TDP1: variants seen among roughly 807,000 people sequenced by gnomAD.
The protein encoded by TDP1 is tyr-DNA phosphodiesterase 1.
Under a neutral mutation model 81.5 loss-of-function variants are expected in TDP1, and 64 were observed. The ratio of observed to expected loss-of-function variants is 0.79; its 90% CI spans 0.64 to 0.97. The LOEUF is 0.97. Ranked by LOEUF, TDP1 falls within the 50% of genes least tolerant of loss-of-function variation. The probability of loss-of-function intolerance (pLI) is 0.00; values close to 1 mark genes in which losing one functional copy is unlikely to be tolerated. For missense variants in TDP1, 723 were observed against 743.8 expected, an observed-to-expected ratio of 0.97 and a Z score of 0.33; for synonymous variants, 256 against 264.3, an observed-to-expected ratio of 0.97 and a Z score of 0.30.
At chr14:90,000,746 A>AT (rs1341207521) in intron 14 of TDP1, among the ~76,000 whole-genome samples, 1 of 152,130 alleles carries the variant, frequency 6.6e-6, no homozygotes, top group African/African-American at 2.4e-5. Context: ...GCTGGAATTA[A>AT]TTTTTTACTG....
At chr14:90,021,110 G>A (rs1284080594) in intron 15 of TDP1, among the ~76,000 whole-genome samples, 1 of 152,056 alleles carries the variant, frequency 6.6e-6, no homozygotes, top group Non-Finnish European at 1.5e-5. Flanking sequence ...GCACGCTGGA[G>A]AGCACCCACC....
intron 13 of TDP1, 122 bp from the exon 14 acceptor site, chr14:89,993,252 CAG>C (rs768964211): frequency 1.9e-5 from 25 of 1,284,894 alleles, no homozygotes; most frequent in South Asian, 2.8e-5. Flanking sequence ...TCACAGGTCA[CAG>C]AGTCGTGTAG....
chr14:89,982,885 A>G (rs921354756), intron 8 of TDP1, among the ~76,000 whole-genome samples: 1 of 152,282 alleles, frequency 6.6e-6, no homozygotes, highest in Admixed American at 6.5e-5. Context: ...ATCTCACTTC[A>G]TAATTGGTCT....
rs983366528 is a variant in TDP1, at chr14:89,975,787, T to A, written c.763T>A (p.Leu255Met). The A allele has an allele frequency of 6.2e-7, 1 of 1,612,816 alleles. No homozygotes were observed. The highest frequency in any genetic ancestry group is 1.1e-5 in the South Asian group (1 of 91,068). ...YENISLCQAK[L>M]DIAFGTHHTK... ...GACTTCTTTTTCATCCTAGGCAAAG[T>A]TGGATATTGCGTTTGGAACACACCA... Residue 255 changes from leucine to methionine, a missense_variant, in exon 7 of 17, where the codon TTG becomes ATG. Leu to Met is a conservative substitution (Grantham distance 15). Coordinates refer to ENST00000335725, the MANE Select transcript of TDP1 (RefSeq NM_018319.4).
intron 15 of TDP1, 194 bp from the exon 16 acceptor site, chr14:90,032,912 T>C (rs140464350): frequency 2.1e-6 from 2 of 959,772 alleles, no homozygotes; most frequent in East Asian, 2.3e-4. Context: ...AAAGCTCTTA[T>C]GTTTAGAAAG....
At chr14:89,970,795 G>A (rs1893535917) in intron 5 of TDP1, 2 of 951,488 alleles carry the variant, frequency 2.1e-6, no homozygotes, top group Middle Eastern at 5.3e-4. Flanking sequence ...TCCTTAATGA[G>A]GCGAGTCCAG....
chr14:90,000,843 T>C (rs1897128969), intron 14 of TDP1, among the ~76,000 whole-genome samples: 1 of 152,236 alleles, frequency 6.6e-6, no homozygotes, highest in African/African-American at 2.4e-5. Context: ...TCCAAAGCTC[T>C]TTGAGAAGTT....
chr14:90,036,678 C>A (rs891444260), intron 16 of TDP1, among the ~76,000 whole-genome samples: 3 of 152,156 alleles, frequency 2.0e-5, no homozygotes, highest in African/African-American at 7.2e-5. Context: ...CATCTAGGTG[C>A]TTGGAATATG....
At chr14:89,974,527 G>A (rs939706892) in intron 6 of TDP1, among the ~76,000 whole-genome samples, 2 of 152,162 alleles carry the variant, frequency 1.3e-5, no homozygotes, top group African/African-American at 2.4e-5. Flanking sequence ...GTGTATTCCA[G>A]TCGCCCATTA....
intron 6 of TDP1, 97 bp downstream of exon 6, chr14:89,971,368 C>T (rs185347014): frequency 6.9e-6 from 6 of 873,544 alleles, no homozygotes; most frequent in Non-Finnish European, 1.1e-5. Context: ...GAAATCCTCT[C>T]TCCAGCATCA....
chr14:90,039,012 A>C (rs1888101124), intron 16 of TDP1, among the ~76,000 whole-genome samples: 2 of 152,164 alleles, frequency 1.3e-5, no homozygotes, highest in South Asian at 4.1e-4. Flanking sequence ...GGCTAAAAGT[A>C]AACTATGAGT....
Position 89,967,254 on chromosome 14 carries a change from G to A in TDP1, c.604-113G>A, listed in dbSNP as rs368896373. Reference sequence around the variant, plus strand: ...CCCTCCAGGTTTATAAATAATACATGTAGTGTATCACTATTTTAGAGTTTC... The same window carrying A: ...CCCTCCAGGTTTATAAATAATACATATAGTGTATCACTATTTTAGAGTTTC... On this transcript the variant is annotated intron_variant, in intron 4 of 16. Transcript: ENST00000335725. The A allele has an allele frequency of 1.3e-4, 167 of 1,303,808 alleles. 1 individual carries two copies. The South Asian group carries it at 1.9e-3, about 15-fold the overall frequency. The allele number at this position is 1,303,808 out of a possible 1,614,324, so 80.8% of individuals were successfully genotyped here.
intron 15 of TDP1, among the ~76,000 whole-genome samples, chr14:90,031,397 C>T (rs956739635): frequency 4.6e-5 from 7 of 151,864 alleles, no homozygotes; most frequent in Admixed American, 4.6e-4. Context: ...TGGCTCACAC[C>T]TGTAATCCCA....
At chr14:90,020,568 TCCCTTCCTTCCTTCCCTCCC>T (rs1885924799) in intron 15 of TDP1, among the ~76,000 whole-genome samples, 1 of 12,042 alleles carries the variant, frequency 8.3e-5, no homozygotes, top group African/African-American at 7.1e-4. Flanking sequence ...CCTCCCTCCC[TCCCTTCCTTCCTTCCCTCCC>T]TCCCTCCCTC....
rs202165305 is a variant in TDP1, at chr14:89,975,781, G to A, written c.757G>A (p.Ala253Thr). The A allele has an allele frequency of 3.6e-5, 58 of 1,611,930 alleles. No individual in the cohort carries two copies. The highest frequency in any genetic ancestry group is 3.3e-4 in the Middle Eastern group (2 of 6,072). ...ATAAATGACTTCTTTTTCATCCTAG[G>A]CAAAGTTGGATATTGCGTTTGGAAC... is the stretch of plus-strand genomic sequence containing the variant. Reference protein sequence around the residue: ...KPYENISLCQAKLDIAFGTHH... With the variant: ...KPYENISLCQTKLDIAFGTHH... Residue 253 changes from alanine (A) to threonine (T), a missense_variant and splice_region_variant, in exon 7 of 17, where the codon GCA becomes ACA. Transcript: ENST00000335725.
chr14:89,979,984 T>G (rs2140067600), intron 7 of TDP1, among the ~76,000 whole-genome samples: 1 of 152,310 alleles, frequency 6.6e-6, no homozygotes, highest in East Asian at 1.9e-4. Context: ...CCACTAATGG[T>G]AATGAAGCAT....
intron 2 of TDP1, 188 bp from the exon 3 acceptor site, chr14:89,962,920 G>A: frequency 1.0e-6 from 1 of 985,268 alleles, no homozygotes; most frequent in Non-Finnish European, 1.2e-6. Context: ...ACTTTTGCTT[G>A]TGATTTGGCA....
chr14:89,968,264 G>C (rs58488761), intron 5 of TDP1, among the ~76,000 whole-genome samples: 8,795 of 151,604 alleles, frequency 0.058, 451 homozygotes, highest in African/African-American at 0.13. Flanking sequence ...TGTTTCCAGC[G>C]TGACACATTC....
At chr14:90,014,175 T>C (rs1259858479) in intron 14 of TDP1, among the ~76,000 whole-genome samples, 1 of 152,226 alleles carries the variant, frequency 6.6e-6, no homozygotes, top group Non-Finnish European at 1.5e-5. Flanking sequence ...ACAATGTTGC[T>C]AATAATCTAA....
Sources: gnomAD v4.1 joint callset for allele counts (sites outside exome capture counted in the v4.1 genomes callset) on GRCh38, gnomAD v4.1.1 for gene constraint, MANE v1.5 for transcripts, NCBI Gene and HGNC (gene_info 2026-07-23, HGNC 2026-07-21) for gene names.